Variants in TTC28 observed in about 807,000 individuals in gnomAD.
TTC28 encodes the protein tetratricopeptide repeat domain 28.
Under a neutral mutation model 198.0 loss-of-function variants are expected in TTC28, and 61 were observed. The ratio of observed to expected loss-of-function variants is 0.31; its 90% CI spans 0.25 to 0.38. TTC28 has a LOEUF of 0.38. Ranked by LOEUF, TTC28 falls within the 10% of genes least tolerant of loss-of-function variation. TTC28 has a pLI of 1.00. For synonymous variants in TTC28, 1,171 were observed against 1,297.8 expected, an observed-to-expected ratio of 0.90 and a Z score of 2.10; for missense variants, 2,678 against 3,164.0, an observed-to-expected ratio of 0.85 and a Z score of 3.69.
At chr22:28,509,214 T>C (rs2048655030) in intron 2 of TTC28, among the ~76,000 whole-genome samples, 1 of 151,328 alleles carries the variant, frequency 6.6e-6, no homozygotes, top group Non-Finnish European at 1.5e-5. Flanking sequence ...AAAAATACTC[T>C]CTACCCAGAA....
chr22:28,662,684 T>C (rs928794282), intron 1 of TTC28, among the ~76,000 whole-genome samples: 13 of 152,244 alleles, frequency 8.5e-5, no homozygotes, highest in South Asian at 2.1e-4. Context: ...CAAATAAGCC[T>C]AATGAAAATT....
chr22:28,242,870 T>A lies in TTC28; in HGVS notation c.933+53328A>T, dbSNP rs554893012. Among the ~76,000 whole-genome samples the A allele has an allele frequency of 4.6e-5, 7 of 151,982 alleles. No individual in the cohort carries two copies. In the East Asian group the frequency reaches 1.2e-3, roughly 25 times the overall value. ...CGTTAAAATTAAATTGACATCAAATTGGGCAGGCATGACCTGATACACTGT... is the reference window on the plus strand; with the variant it reads ...CGTTAAAATTAAATTGACATCAAATAGGGCAGGCATGACCTGATACACTGT... On this transcript the variant is annotated intron_variant, in intron 5 of 22. Transcript: ENST00000397906.
Position 27,978,617 on chromosome 22 carries a change from C to G in TTC28, c.*3604G>C, listed in dbSNP as rs1387688029. 6.6e-6 allele frequency: 1 copy of G among 152,210 alleles called. No individual in the cohort carries two copies. Among genetic ancestry groups the G allele is most frequent in the Non-Finnish European group, 1.5e-5 (1 of 68,050 alleles). The allele number at this position is 152,210 out of a possible 1,614,324, so 9.4% of individuals were successfully genotyped here. On this transcript the variant is annotated 3_prime_UTR_variant, in exon 23 of 23. Transcript: ENST00000397906. ...GACACCTTTGTCTCCTGCTAAAACCCAGCAAGTTTCAGTGTGGACCGTGAA... is the reference window on the plus strand; with the variant it reads ...GACACCTTTGTCTCCTGCTAAAACCGAGCAAGTTTCAGTGTGGACCGTGAA...
intron 12 of TTC28, among the ~76,000 whole-genome samples, chr22:28,039,225 G>T (rs1332796306): frequency 6.6e-6 from 1 of 152,154 alleles, no homozygotes; most frequent in East Asian, 1.9e-4. Flanking sequence ...GCACACGTAT[G>T]TTTATTGCGG....
chr22:28,521,473 G>A (rs2048907931), intron 2 of TTC28, among the ~76,000 whole-genome samples: 1 of 152,110 alleles, frequency 6.6e-6, no homozygotes, highest in Admixed American at 6.6e-5. Context: ...GCTACGATTA[G>A]AAAAGCCAAG....
chr22:28,251,306 C>T (rs1055959188), intron 5 of TTC28, among the ~76,000 whole-genome samples: 1 of 152,162 alleles, frequency 6.6e-6, no homozygotes. Context: ...CCAAATCATA[C>T]TCACCCCTAT....
At chr22:28,254,688 A>T (rs546351262) in intron 5 of TTC28, among the ~76,000 whole-genome samples, 1 of 152,316 alleles carries the variant, frequency 6.6e-6, no homozygotes, top group South Asian at 2.1e-4. Context: ...ACAGCATGTT[A>T]AAATCCCTAG....
intron 2 of TTC28, among the ~76,000 whole-genome samples, chr22:28,420,829 G>A (rs762021003): frequency 2.6e-5 from 4 of 152,078 alleles, no homozygotes; most frequent in Non-Finnish European, 4.4e-5. Context: ...TCGAACTCCT[G>A]ACCTCAGGTG....
At chr22:28,328,257 C>A (rs1335339123) in intron 2 of TTC28, among the ~76,000 whole-genome samples, 2 of 151,920 alleles carry the variant, frequency 1.3e-5, no homozygotes, top group East Asian at 3.9e-4. Context: ...CATAGCAAGA[C>A]CCCCCACCTC....
At chr22:28,369,823 T>C (rs1569287373) in intron 2 of TTC28, among the ~76,000 whole-genome samples, 2 of 152,166 alleles carry the variant, frequency 1.3e-5, no homozygotes, top group Non-Finnish European at 2.9e-5. Context: ...AGAATAAATG[T>C]GTAAAATATA....
At chr22:28,403,448 G>GTTTAAA (rs2046950862) in intron 2 of TTC28, among the ~76,000 whole-genome samples, 2 of 152,004 alleles carry the variant, frequency 1.3e-5, no homozygotes, top group Non-Finnish European at 2.9e-5. Context: ...CAATTGCCCT[G>GTTTAAA]CACCCTTGTT....
At chr22:28,571,470 G>C (rs2050058485) in intron 2 of TTC28, among the ~76,000 whole-genome samples, 1 of 152,070 alleles carries the variant, frequency 6.6e-6, no homozygotes, top group Non-Finnish European at 1.5e-5. Context: ...ATAAATATTA[G>C]AGGTTTAAGT....
chr22:28,527,244 C>A (rs2049020071), intron 2 of TTC28, among the ~76,000 whole-genome samples: 1 of 152,172 alleles, frequency 6.6e-6, no homozygotes, highest in Admixed American at 6.5e-5. Context: ...AGGATTCCTG[C>A]CCACACTGGT....
chr22:28,252,256 C>T (rs564838256), intron 5 of TTC28, among the ~76,000 whole-genome samples: 3 of 152,274 alleles, frequency 2.0e-5, no homozygotes, highest in African/African-American at 7.2e-5. Flanking sequence ...AAAAACAGAG[C>T]TTTAACATTT....
At chr22:28,096,439 C>A (rs760768039) in intron 10 of TTC28, 31 bp from the exon 11 acceptor site, 3 of 1,547,966 alleles carry the variant, frequency 1.9e-6, no homozygotes, top group Non-Finnish European at 2.6e-6. Flanking sequence ...CCGAGGAGTC[C>A]ATAGTGAGTG....
chr22:28,159,554 G>T lies in TTC28; in HGVS notation c.1441+3538C>A, dbSNP rs371017854. On this transcript the variant is annotated intron_variant, in intron 6 of 22. Coordinates refer to ENST00000397906, the MANE Select transcript of TTC28 (RefSeq NM_001145418.2). The stretch of plus-strand genomic sequence containing the variant: ...GCCTACTGTAGTCCCAGCTACCCGG[G>T]AGGCTAAGGCAGGAAAATCGCTGGA... Among the ~76,000 whole-genome samples the T allele has an allele frequency of 7.9e-5, 12 of 151,940 alleles. No individual in the cohort carries two copies. In the East Asian group the frequency reaches 2.1e-3, roughly 27 times the overall value.
chr22:28,410,774 T>C (rs2047068802), intron 2 of TTC28, among the ~76,000 whole-genome samples: 1 of 152,208 alleles, frequency 6.6e-6, no homozygotes, highest in Non-Finnish European at 1.5e-5. Flanking sequence ...TTTGTGAGGA[T>C]GAAAAGATAA....
intron 12 of TTC28, among the ~76,000 whole-genome samples, chr22:28,090,203 T>C (rs1157786639): frequency 1.3e-5 from 2 of 152,038 alleles, no homozygotes; most frequent in African/African-American, 2.4e-5. Flanking sequence ...CAAGCATCTA[T>C]AATTTCACCA....
At chr22:28,540,489 G>C (rs956438914) in intron 2 of TTC28, among the ~76,000 whole-genome samples, 2 of 152,136 alleles carry the variant, frequency 1.3e-5, no homozygotes, top group Non-Finnish European at 2.9e-5. Context: ...CAAACTCACA[G>C]ATAACATAAC....
Sources: allele counts gnomAD v4.1 joint callset (sites outside exome capture counted in the v4.1 genomes callset), GRCh38; gene constraint gnomAD v4.1.1; transcripts MANE v1.5; gene names NCBI Gene and HGNC (gene_info 2026-07-23, HGNC 2026-07-21).